Variants in PAX3 observed in about 807,000 individuals in gnomAD.
PAX3 encodes paired box protein Pax-3.
In PAX3, 14 loss-of-function variants were observed where a neutral mutation model predicts 51.6. The ratio of observed to expected loss-of-function variants is 0.27; its 90% CI spans 0.18 to 0.42. The LOEUF (loss-of-function observed/expected upper bound fraction) is 0.42. PAX3 is among the 10% of genes least tolerant of loss of function. PAX3 has a pLI of 1.00. For missense variants in PAX3, 540 were observed against 642.8 expected (o/e 0.84, Z 1.73); for synonymous variants, 280 against 253.4 (o/e 1.11, Z -1.00).
intron 4 of PAX3, among the ~76,000 whole-genome samples, chr2:222,293,428 A>G (rs1263586615): frequency 1.4e-5 from 2 of 145,882 alleles, no homozygotes; most frequent in African/African-American, 2.4e-5. Flanking sequence ...TCTGTCTCCC[A>G]TGGGGGAGAT....
At position 222,221,313 on chromosome 2, in the gene PAX3, G is replaced by T. The variant is rs1165729028; in HGVS notation, c.867C>A (p.Leu289=). The T allele has an allele frequency of 6.2e-7, 1 of 1,614,058 alleles. No homozygotes were observed. Among genetic ancestry groups the T allele is most frequent in the Non-Finnish European group, 8.5e-7 (1 of 1,179,912 alleles). The change falls in exon 6 of 9, where the codon CTC becomes CTA. Residue 289 remains leucine, a synonymous_variant. Transcript: ENST00000392070. ...CAGTGGGAGGGAACCCCCCGGGAAT[G>T]AGATGGTTGAAAGCCATCAGTTGAT... The part of the protein sequence containing the change: ...GANQLMAFNH[L]IPGGFPPTAM...
intron 7 of PAX3, among the ~76,000 whole-genome samples, chr2:222,207,331 C>G (rs897764853): frequency 1.3e-5 from 2 of 152,116 alleles, no homozygotes; most frequent in Non-Finnish European, 2.9e-5. Flanking sequence ...GATTTTGGGT[C>G]CTGTCTGTTT....
chr2:222,272,835 T>C (rs1694299434), intron 4 of PAX3, among the ~76,000 whole-genome samples: 1 of 152,216 alleles, frequency 6.6e-6, no homozygotes, highest in African/African-American at 2.4e-5. Context: ...AAGCAGATTG[T>C]TGGAATGGCC....
At chr2:222,289,521 G>A (rs569973388) in intron 4 of PAX3, among the ~76,000 whole-genome samples, 1 of 152,260 alleles carries the variant, frequency 6.6e-6, no homozygotes, top group African/African-American at 2.4e-5. Context: ...ACTTTTAAAT[G>A]ACCCTTCAGT....
chr2:222,205,746 A>G (rs534605533), intron 7 of PAX3, among the ~76,000 whole-genome samples: 1 of 152,202 alleles, frequency 6.6e-6, no homozygotes, highest in Non-Finnish European at 1.5e-5. Context: ...TGAGGACATC[A>G]ATAGAAAATG....
intron 4 of PAX3, among the ~76,000 whole-genome samples, chr2:222,282,785 G>GA (rs139315612): frequency 6.6e-6 from 1 of 152,134 alleles, no homozygotes; most frequent in African/African-American, 2.4e-5. Context: ...ATAAGTCAAA[G>GA]AAAAAAGTTT....
intron 4 of PAX3, among the ~76,000 whole-genome samples, chr2:222,243,076 C>T (rs892066658): frequency 4.6e-5 from 7 of 152,118 alleles, no homozygotes; most frequent in South Asian, 4.1e-4. Context: ...ACAAAACTAC[C>T]GAAAGATACA....
intron 5 of PAX3, among the ~76,000 whole-genome samples, chr2:222,229,591 A>C (rs912255691): frequency 8.5e-5 from 13 of 152,070 alleles, no homozygotes; most frequent in African/African-American, 3.1e-4. Context: ...CTCATGCCAT[A>C]GCCCCCACTC....
intron 1 of PAX3, 50 bp from the exon 2 acceptor site, chr2:222,297,263 T>G: frequency 2.2e-6 from 3 of 1,393,724 alleles, no homozygotes; most frequent in Non-Finnish European, 3.0e-6. Context: ...TGGAGGAAAA[T>G]AAAAAGCAAA....
intron 4 of PAX3, among the ~76,000 whole-genome samples, chr2:222,259,437 A>G (rs1282216433): frequency 6.6e-6 from 1 of 152,240 alleles, no homozygotes. Flanking sequence ...CAGGTAATAC[A>G]TGATATATAT....
At chr2:222,233,916 A>T (rs1692703421) in intron 4 of PAX3, among the ~76,000 whole-genome samples, 1 of 152,192 alleles carries the variant, frequency 6.6e-6, no homozygotes, top group African/African-American at 2.4e-5. Context: ...GACCTGGGGA[A>T]ATGAAGGTGG....
At chr2:222,293,918 C>G (rs1695143747) in intron 4 of PAX3, 1 of 1,487,620 alleles carries the variant, frequency 6.7e-7, no homozygotes, top group South Asian at 1.2e-5. Context: ...TCTAGAATCC[C>G]AGGGGCTGAA....
At chr2:222,247,181 A>G (rs1693258288) in intron 4 of PAX3, among the ~76,000 whole-genome samples, 1 of 152,134 alleles carries the variant, frequency 6.6e-6, no homozygotes, top group South Asian at 2.1e-4. Flanking sequence ...TCAGGCCTCA[A>G]TGAAGTAGGA....
intron 4 of PAX3, among the ~76,000 whole-genome samples, chr2:222,270,774 C>T (rs888462467): frequency 1.3e-5 from 2 of 152,196 alleles, no homozygotes; most frequent in Non-Finnish European, 2.9e-5. Flanking sequence ...AATCCAAACC[C>T]TTAAAAGCAG....
chr2:222,220,856 T>A lies in PAX3; in HGVS notation c.958+366A>T, dbSNP rs149082729. Among the ~76,000 whole-genome samples the A allele has an allele frequency of 7.9e-5, 12 of 152,378 alleles. No individual in the cohort carries two copies. In the East Asian group the frequency reaches 2.3e-3, roughly 29 times the overall value. On this transcript the variant is annotated intron_variant, in intron 6 of 8. Transcript: ENST00000392070. ...TAACAAATAATGACTTTGTCAAAGC[T>A]TACCTTCCCTCTATTATTCCTACAG... is the stretch of plus-strand genomic sequence containing the variant.
At position 222,297,169 on chromosome 2, in the gene PAX3, C is replaced by A; in HGVS notation, c.130G>T (p.Val44Phe). 2 of 1,602,376 alleles carry A rather than the reference C, an allele frequency of 1.2e-6. No homozygotes were observed. The highest frequency in any genetic ancestry group is 1.7e-6 in the Non-Finnish European group (2 of 1,174,748). Residue 44 changes from valine to phenylalanine, a missense_variant, in exon 2 of 9, where the codon GTT (valine) becomes TTT (phenylalanine). Val to Phe is a conservative substitution (Grantham distance 50, BLOSUM62 -1). This residue lies in a region of PAX3 where 50 missense variants were observed against 109.3 expected (regional missense o/e 0.46). Coordinates refer to ENST00000392070, the MANE Select transcript of PAX3 (RefSeq NM_181458.4). ...GGCAGCGGCCTGCCGTTGATAAAAA[C>A]ACCGCCGAGCTGGTTGACGCGGCCC... ...GQGRVNQLGG[V>F]FINGRPLPNH...
chr2:222,222,181 C>T (rs1183791909), intron 5 of PAX3, among the ~76,000 whole-genome samples: 1 of 151,986 alleles, frequency 6.6e-6, no homozygotes, highest in Non-Finnish European at 1.5e-5. Flanking sequence ...AGAGAAAGGG[C>T]AGTCATGGCA....
intron 4 of PAX3, among the ~76,000 whole-genome samples, chr2:222,291,381 G>T (rs1349316947): frequency 1.3e-5 from 2 of 152,326 alleles, no homozygotes; most frequent in African/African-American, 4.8e-5. Context: ...GGTGCATCAT[G>T]CTTAGCGCGC....
In PAX3 at chr2:222,201,058, C is replaced by T. The variant is rs576400205; in HGVS notation, c.*350G>A. The T allele has an allele frequency of 4.0e-5, 44 of 1,106,806 alleles. No individual in the cohort carries two copies. Among genetic ancestry groups the T allele is most frequent in the Middle Eastern group, 2.0e-4 (1 of 5,086 alleles). The allele number at this position is 1,106,806 out of a possible 1,614,324, so 68.6% of individuals were successfully genotyped here. A position where few individuals can be genotyped will look rare whatever the true frequency, so the allele number is the denominator to read the frequency against. On this transcript the variant is annotated 3_prime_UTR_variant, in exon 9 of 9. Coordinates refer to ENST00000392070, the MANE Select transcript of PAX3 (RefSeq NM_181458.4). ...ATACACACACACACACACACACGCA[C>T]GCACGCACACAAGCAAATGGAATGT...
Sources: allele counts gnomAD v4.1 joint callset (sites outside exome capture counted in the v4.1 genomes callset), GRCh38; gene constraint gnomAD v4.1.1; regional missense constraint gnomAD v4.1.1; transcripts MANE v1.5; gene names NCBI Gene and HGNC (gene_info 2026-07-23, HGNC 2026-07-21).